Variants in ZNF782 observed in about 807,000 individuals in gnomAD.
ZNF782 encodes zinc finger protein 782.
ZNF782 carries 12 observed loss-of-function variants against 13.0 expected under a neutral mutation model. The observed-to-expected ratio is 0.92, with a 90% CI of 0.59 to 1.50. The LOEUF (loss-of-function observed/expected upper bound fraction) is 1.50, where lower values mean the gene tolerates loss of function less well. ZNF782 is among the 40% of genes most tolerant of loss of function. ZNF782 has a pLI of 0.00. For missense variants in ZNF782, 770 were observed against 822.9 expected, an observed-to-expected ratio of 0.94 and a Z score of 0.79; for synonymous variants, 284 against 283.0, an observed-to-expected ratio of 1.00 and a Z score of -0.04.
chr9:96,838,276 G>C (rs1851065750), intron 4 of ZNF782, among the ~76,000 whole-genome samples: 1 of 152,104 alleles, frequency 6.6e-6, no homozygotes, highest in South Asian at 2.1e-4. Context: ...GTTAAAGTGT[G>C]CTTTATGGCC....
At chr9:96,825,142 C>G (rs529611772) in intron 5 of ZNF782, among the ~76,000 whole-genome samples, 1,809 of 152,198 alleles carry the variant, frequency 0.012, 49 homozygotes, top group African/African-American at 0.041. Context: ...ATCACACTAC[C>G]TGACTTCAAA....
At chr9:96,863,262 A>G (rs1378483656) in intron 1 of ZNF782, among the ~76,000 whole-genome samples, 1 of 152,084 alleles carries the variant, frequency 6.6e-6, no homozygotes, top group Non-Finnish European at 1.5e-5. Context: ...ATTTTCTTTC[A>G]GGAACATTAC....
At chr9:96,837,743 T>C (rs893941429) in intron 4 of ZNF782, among the ~76,000 whole-genome samples, 6 of 152,206 alleles carry the variant, frequency 3.9e-5, no homozygotes, top group African/African-American at 1.4e-4. Flanking sequence ...CTCAAGGTAT[T>C]TTCTAATTTG....
At chr9:96,901,723 A>C in the ZNF782 span, among the ~76,000 whole-genome samples, 1 of 151,522 alleles carries the variant, frequency 6.6e-6, no homozygotes, top group East Asian at 2.0e-4. Context: ...AAATACAAAA[A>C]TTAGCTGGGC....
At chr9:96,870,763 A>G (rs986417698) in intron 1 of ZNF782, among the ~76,000 whole-genome samples, 3 of 152,208 alleles carry the variant, frequency 2.0e-5, no homozygotes, top group African/African-American at 4.8e-5. Context: ...TCATATTACC[A>G]TTAAAACATA....
intron 3 of ZNF782, among the ~76,000 whole-genome samples, chr9:96,851,447 C>T (rs1332495845): frequency 2.6e-5 from 4 of 152,108 alleles, no homozygotes; most frequent in Admixed American, 1.3e-4. Flanking sequence ...AGAAAAAGTG[C>T]CCCATTTCCT....
the ZNF782 span, among the ~76,000 whole-genome samples, chr9:96,912,229 A>T: frequency 6.7e-6 from 1 of 148,480 alleles, no homozygotes; most frequent in Non-Finnish European, 1.5e-5. Flanking sequence ...AAACTAACTA[A>T]AAAACAGGCC....
intron 1 of ZNF782, among the ~76,000 whole-genome samples, chr9:96,862,995 G>C (rs56996463): frequency 0.015 from 2,337 of 152,128 alleles, 43 homozygotes; most frequent in African/African-American, 0.041. Context: ...GCAGAGGCCA[G>C]CTCCAAGATG....
the ZNF782 span, among the ~76,000 whole-genome samples, chr9:96,925,173 C>G: frequency 1.1e-4 from 17 of 152,166 alleles, no homozygotes; most frequent in African/African-American, 4.1e-4. Context: ...CGGCTGCGCG[C>G]TGGAACCCCG....
exon 1 of ZNF782, chr9:96,875,586 T>C (rs976589563): frequency 1.4e-4 from 64 of 456,598 alleles, no homozygotes; most frequent in African/African-American, 1.2e-3. Flanking sequence ...GGCTCTCCTC[T>C]GCCGCCGCGG....
intron 1 of ZNF782, among the ~76,000 whole-genome samples, chr9:96,873,559 G>A (rs2118891915): frequency 6.6e-6 from 1 of 152,298 alleles, no homozygotes; most frequent in South Asian, 2.1e-4. Flanking sequence ...AATTAGCCAA[G>A]CTTGGTGGCA....
chr9:96,879,433 GCAGAGCTTGCGGTGAGCC>G (rs2118906325), upstream of ZNF782, among the ~76,000 whole-genome samples: 1 of 152,350 alleles, frequency 6.6e-6, no homozygotes, highest in Admixed American at 6.5e-5. Context: ...AACCCAGAAG[GCAGAGCTTGCGGTGAGCC>G]CAGATCGCGC....
chr9:96,862,424 A>G (rs1483406941), intron 1 of ZNF782, among the ~76,000 whole-genome samples: 3 of 152,214 alleles, frequency 2.0e-5, no homozygotes, highest in Non-Finnish European at 4.4e-5. Context: ...TGTGATGGAT[A>G]CTTCATTTAC....
At chr9:96,931,744 C>T in the ZNF782 span, 18 of 1,611,468 alleles carry the variant, frequency 1.1e-5, no homozygotes, top group South Asian at 6.6e-5. Context: ...TGGGACCCGG[C>T]GTGACCGTGA....
the ZNF782 span, among the ~76,000 whole-genome samples, chr9:96,883,879 G>A: frequency 6.6e-6 from 1 of 152,140 alleles, no homozygotes; most frequent in Non-Finnish European, 1.5e-5. Flanking sequence ...CATATGCCAT[G>A]GACAGGGCAC....
the ZNF782 span, among the ~76,000 whole-genome samples, chr9:96,925,524 G>C: frequency 6.6e-6 from 1 of 150,648 alleles, no homozygotes; most frequent in Admixed American, 6.6e-5. Context: ...TGTAGTCCCA[G>C]TTACTTGGGA....
At chr9:96,830,709 A>C (rs28786462) in intron 4 of ZNF782, among the ~76,000 whole-genome samples, 20,141 of 152,212 alleles carry the variant, frequency 0.13, 3,238 homozygotes, top group African/African-American at 0.38. Context: ...CCAAGATCTA[A>C]GACAACTTCA....
the ZNF782 span, chr9:96,890,856 A>G: frequency 5.3e-5 from 8 of 152,360 alleles, no homozygotes; most frequent in African/African-American, 1.9e-4. Flanking sequence ...CATTATTCAT[A>G]ATAGCCCAAA....
At chr9:96,859,447 AC>A (rs1851680014), upstream of ZNF782, among the ~76,000 whole-genome samples, 1 of 152,116 alleles carries the variant, frequency 6.6e-6, no homozygotes, top group South Asian at 2.1e-4. Context: ...AGGAGGGGGC[AC>A]TGGTCAGAGT....
Sources: allele counts gnomAD v4.1 joint callset (sites outside exome capture counted in the v4.1 genomes callset), GRCh38; gene constraint gnomAD v4.1.1; transcripts MANE v1.5; gene names NCBI Gene and HGNC (gene_info 2026-07-23, HGNC 2026-07-21).